PRR16: variants seen among roughly 807,000 people sequenced by gnomAD.
The protein encoded by PRR16 is protein Largen.
In PRR16, 6 loss-of-function variants were observed where a neutral mutation model predicts 18.2. The observed-to-expected ratio is 0.33, with a 90% CI of 0.18 to 0.65. The LOEUF (loss-of-function observed/expected upper bound fraction) is 0.65. PRR16 is among the 30% of genes least tolerant of loss of function. The probability of loss-of-function intolerance (pLI) is 0.74; values close to 1 mark genes in which losing one functional copy is unlikely to be tolerated. For synonymous variants in PRR16, 151 were observed against 147.8 expected (o/e 1.02, Z -0.16); for missense variants, 412 against 376.6 (o/e 1.09, Z -0.78).
chr5:120,501,955 C>CAAAAAAA (rs548770948), intron 1 of PRR16, among the ~76,000 whole-genome samples: 6 of 44,076 alleles, frequency 1.4e-4, no homozygotes, highest in Non-Finnish European at 1.8e-4. Context: ...TACTCCGTCT[C>CAAAAAAA]AAAAAAAAAA....
intron 1 of PRR16, among the ~76,000 whole-genome samples, chr5:120,547,871 T>G (rs1182609689): frequency 6.6e-5 from 10 of 152,114 alleles, no homozygotes; most frequent in East Asian, 1.9e-4. Flanking sequence ...ATAAAAAGAA[T>G]GCACCCATAC....
chr5:120,570,489 A>T (rs112234063), intron 1 of PRR16, among the ~76,000 whole-genome samples: 5 of 152,166 alleles, frequency 3.3e-5, no homozygotes, highest in Non-Finnish European at 7.4e-5. Flanking sequence ...GGGAAACATG[A>T]CCTAATGCAA....
At chr5:120,732,785 C>T in the PRR16 span, among the ~76,000 whole-genome samples, 1 of 152,078 alleles carries the variant, frequency 6.6e-6, no homozygotes, top group African/African-American at 2.4e-5. Context: ...TAGACCAGTA[C>T]AGTGGCAGAT....
intron 1 of PRR16, among the ~76,000 whole-genome samples, chr5:120,621,145 T>G (rs1219683841): frequency 2.0e-5 from 3 of 152,142 alleles, no homozygotes; most frequent in Non-Finnish European, 4.4e-5. Flanking sequence ...ATCTTTTAAT[T>G]AGACTGCCCT....
intron 1 of PRR16, among the ~76,000 whole-genome samples, chr5:120,475,013 G>A (rs1749394547): frequency 6.6e-6 from 1 of 152,110 alleles, no homozygotes; most frequent in Non-Finnish European, 1.5e-5. Flanking sequence ...GTCTAGTGGG[G>A]GACAAATTAT....
chr5:120,672,387 G>A (rs76920570), intron 1 of PRR16, among the ~76,000 whole-genome samples: 7,076 of 152,116 alleles, frequency 0.047, 251 homozygotes, highest in Non-Finnish European at 0.067. Flanking sequence ...TGAAAAGAGT[G>A]TGGAGTGAGG....
the PRR16 span, among the ~76,000 whole-genome samples, chr5:120,693,168 T>A: frequency 1.2e-4 from 19 of 152,286 alleles, no homozygotes; most frequent in East Asian, 3.3e-3. Context: ...GATAAAAATA[T>A]CAACTCGAAA....
At chr5:120,760,405 A>G in the PRR16 span, among the ~76,000 whole-genome samples, 1 of 152,104 alleles carries the variant, frequency 6.6e-6, no homozygotes, top group Non-Finnish European at 1.5e-5. Flanking sequence ...TGTCTCATCT[A>G]TACTTGCATC....
intron 1 of PRR16, among the ~76,000 whole-genome samples, chr5:120,592,775 A>G (rs1524564): frequency 0.65 from 99,368 of 151,996 alleles, 33,897 homozygotes; most frequent in East Asian, 0.85. Context: ...GAAGAATTTC[A>G]TTACATTATT....
At chr5:120,517,028 C>T (rs1252751787) in intron 1 of PRR16, among the ~76,000 whole-genome samples, 2 of 152,022 alleles carry the variant, frequency 1.3e-5, no homozygotes, top group African/African-American at 4.8e-5. Context: ...GTAAATACAG[C>T]CCAAAGAGAA....
chr5:120,599,163 T>C (rs1753904543), intron 1 of PRR16, among the ~76,000 whole-genome samples: 1 of 151,822 alleles, frequency 6.6e-6, no homozygotes, highest in South Asian at 2.1e-4. Flanking sequence ...GGTTGACAGA[T>C]AAAACTTTCT....
intron 1 of PRR16, among the ~76,000 whole-genome samples, chr5:120,666,910 C>A (rs1333299781): frequency 6.9e-6 from 1 of 145,594 alleles, no homozygotes; most frequent in Admixed American, 6.9e-5. Context: ...GGATATTGGT[C>A]TAAAATTCTC....
intron 1 of PRR16, among the ~76,000 whole-genome samples, chr5:120,683,446 G>A (rs1273815080): frequency 1.3e-5 from 2 of 148,228 alleles, no homozygotes; most frequent in African/African-American, 2.5e-5. Context: ...AGGTTGCGGT[G>A]AGCTGAGATC....
chr5:120,514,701 C>T (rs1040448814), intron 1 of PRR16, among the ~76,000 whole-genome samples: 16 of 152,204 alleles, frequency 1.1e-4, no homozygotes, highest in African/African-American at 3.6e-4. Flanking sequence ...ATACCGTATT[C>T]CACATTTCTA....
chr5:120,468,111 A>G (rs1749160853), intron 1 of PRR16, among the ~76,000 whole-genome samples: 1 of 152,164 alleles, frequency 6.6e-6, no homozygotes, highest in Non-Finnish European at 1.5e-5. Flanking sequence ...GAGAGTGAGT[A>G]TATGTTGATT....
At chr5:120,600,312 A>G (rs1753942042) in intron 1 of PRR16, among the ~76,000 whole-genome samples, 1 of 151,864 alleles carries the variant, frequency 6.6e-6, no homozygotes, top group Non-Finnish European at 1.5e-5. Context: ...GTTTAACCCC[A>G]AAGACTTTAA....
chr5:120,486,018 A>G (rs935097705), intron 1 of PRR16, among the ~76,000 whole-genome samples: 39 of 152,142 alleles, frequency 2.6e-4, no homozygotes, highest in African/African-American at 9.4e-4. Context: ...CATGGTGTAT[A>G]TGTGCCACAT....
the PRR16 span, among the ~76,000 whole-genome samples, chr5:120,754,511 T>TATTATATAA: frequency 7.5e-5 from 5 of 66,564 alleles, no homozygotes; most frequent in Admixed American, 7.8e-4. Context: ...ATTATGTATA[T>TATTATATAA]TATATATTAT....
intron 1 of PRR16, among the ~76,000 whole-genome samples, chr5:120,589,124 G>T (rs78927790): frequency 2.5e-4 from 38 of 152,002 alleles, no homozygotes; most frequent in African/African-American, 8.2e-4. Flanking sequence ...GATTAAATGA[G>T]TAAGCTTTTT....
Sources: allele counts gnomAD v4.1 joint callset (sites outside exome capture counted in the v4.1 genomes callset), GRCh38; gene constraint gnomAD v4.1.1; transcripts MANE v1.5; gene names NCBI Gene and HGNC (gene_info 2026-07-23, HGNC 2026-07-21).